The following IMMP2L variants were observed in gnomAD, a reference collection of about 807,000 sequenced individuals.
IMMP2L encodes mitochondrial inner membrane protease subunit 2.
IMMP2L carries 18 observed loss-of-function variants against 19.3 expected under a neutral mutation model. The observed-to-expected ratio is 0.93, with a 90% CI of 0.64 to 1.38. The LOEUF is 1.38. Ranked by LOEUF, IMMP2L falls within the 40% of genes most tolerant of loss-of-function variation. The probability of loss-of-function intolerance (pLI) is 0.00; values close to 1 mark genes in which losing one functional copy is unlikely to be tolerated. For missense variants in IMMP2L, 233 were observed against 218.2 expected, an observed-to-expected ratio of 1.07 and a Z score of -0.43; for synonymous variants, 76 against 73.0, an observed-to-expected ratio of 1.04 and a Z score of -0.21.
At chr7:110,690,515 T>C (rs1311200201) in intron 5 of IMMP2L, among the ~76,000 whole-genome samples, 1 of 152,140 alleles carries the variant, frequency 6.6e-6, no homozygotes, top group Non-Finnish European at 1.5e-5. Context: ...AAAGTCAGAC[T>C]ATCTCTATTT....
chr7:111,125,185 G>T, intron 3 of IMMP2L: 1 of 290,166 alleles, frequency 3.4e-6, no homozygotes, highest in Non-Finnish European at 6.7e-6. Context: ...CAGTTCAAGT[G>T]GACAAAAACA....
At chr7:111,016,721 T>A (rs1313170529) in intron 3 of IMMP2L, among the ~76,000 whole-genome samples, 8 of 99,342 alleles carry the variant, frequency 8.1e-5, no homozygotes, top group African/African-American at 3.0e-4. Context: ...TATATATATT[T>A]ATATATAAAA....
chr7:110,779,447 T>A (rs1799596050), intron 5 of IMMP2L, among the ~76,000 whole-genome samples: 1 of 151,824 alleles, frequency 6.6e-6, no homozygotes, highest in African/African-American at 2.4e-5. Flanking sequence ...ACAATGGAGG[T>A]TTAGTTATCG....
chr7:111,546,071 A>G (rs1253338363), intron 1 of IMMP2L, among the ~76,000 whole-genome samples: 2 of 152,102 alleles, frequency 1.3e-5, no homozygotes, highest in African/African-American at 4.8e-5. Context: ...ATTTTTAACA[A>G]CATAAATATT....
chr7:111,489,234 G>A (rs374834812), intron 2 of IMMP2L, among the ~76,000 whole-genome samples: 3 of 151,538 alleles, frequency 2.0e-5, no homozygotes, highest in South Asian at 2.1e-4. Context: ...TAGTAGAGAC[G>A]GGGTTTCACC....
At chr7:110,671,657 G>A (rs1480890072) in intron 5 of IMMP2L, among the ~76,000 whole-genome samples, 1 of 152,124 alleles carries the variant, frequency 6.6e-6, no homozygotes. Context: ...CAGGGGGACA[G>A]ATGTGTGTGG....
At position 111,239,067 on chromosome 7, in the gene IMMP2L, T is replaced by C. The variant is rs77776001; in HGVS notation, c.239+248171A>G. Among the ~76,000 whole-genome samples, 1,308 of 152,058 alleles carry C rather than the reference T, an allele frequency of 8.6e-3. 24 individuals are homozygous for C. The highest frequency in any genetic ancestry group is 0.03 in the African/African-American group (1,240 of 41,532). ...AACCTTTCCAATATCTCTGCCCCAC[T>C]CTGAATAGGACATTGTTTTTGTTGT... On this transcript the variant is annotated intron_variant, in intron 3 of 5. Transcript: ENST00000405709.
intron 3 of IMMP2L, among the ~76,000 whole-genome samples, chr7:111,272,806 C>A (rs1818610058): frequency 6.6e-6 from 1 of 152,086 alleles, no homozygotes; most frequent in Non-Finnish European, 1.5e-5. Context: ...TGGCAATTGG[C>A]AGAAAGATAG....
chr7:111,504,725 G>T (rs1263688668), intron 2 of IMMP2L, among the ~76,000 whole-genome samples: 1 of 152,176 alleles, frequency 6.6e-6, no homozygotes, highest in Admixed American at 6.5e-5. Flanking sequence ...ATGGGGAAAG[G>T]ATTTCCTATT....
intron 3 of IMMP2L, among the ~76,000 whole-genome samples, chr7:111,284,661 T>A (rs1820296423): frequency 6.6e-6 from 1 of 152,090 alleles, no homozygotes. Flanking sequence ...ATTTCACAAA[T>A]AAGAAAGGTT....
chr7:110,880,707 C>A (rs866107640), intron 5 of IMMP2L, among the ~76,000 whole-genome samples: 1 of 152,022 alleles, frequency 6.6e-6, no homozygotes, highest in Non-Finnish European at 1.5e-5. Context: ...ATTCTAAGCA[C>A]TTATGAAATT....
At chr7:111,352,976 C>A (rs1828328898) in intron 3 of IMMP2L, among the ~76,000 whole-genome samples, 1 of 152,252 alleles carries the variant, frequency 6.6e-6, no homozygotes, top group Middle Eastern at 3.4e-3. Context: ...TTCCTGGGCC[C>A]ATAGGAGCCT....
chr7:110,679,088 A>T (rs766150225), intron 5 of IMMP2L, among the ~76,000 whole-genome samples: 1 of 152,158 alleles, frequency 6.6e-6, no homozygotes, highest in Admixed American at 6.5e-5. Flanking sequence ...AGATAACTAC[A>T]GAATCATGCA....
At chr7:110,938,251 T>C (rs565913059) in intron 4 of IMMP2L, among the ~76,000 whole-genome samples, 21 of 152,326 alleles carry the variant, frequency 1.4e-4, no homozygotes, top group South Asian at 4.1e-4. Flanking sequence ...TTCAGCATTA[T>C]GTTAGATTCT....
intron 3 of IMMP2L, among the ~76,000 whole-genome samples, chr7:111,406,806 G>A (rs962173552): frequency 1.3e-5 from 2 of 151,968 alleles, no homozygotes; most frequent in Non-Finnish European, 1.5e-5. Context: ...AAGATTCTGG[G>A]ATTTGCATGC....
intron 5 of IMMP2L, among the ~76,000 whole-genome samples, chr7:110,829,117 T>C (rs1158603170): frequency 6.6e-6 from 1 of 152,152 alleles, no homozygotes; most frequent in African/African-American, 2.4e-5. Flanking sequence ...GGTATTATTA[T>C]TGTCTTTTTA....
At chr7:111,322,682 G>A (rs780945107) in intron 3 of IMMP2L, among the ~76,000 whole-genome samples, 2 of 151,418 alleles carry the variant, frequency 1.3e-5, no homozygotes, top group Non-Finnish European at 2.9e-5. Context: ...CTCAGATCAC[G>A]ACGCAAAATC....
chr7:111,165,193 C>T (rs10227865), intron 3 of IMMP2L, among the ~76,000 whole-genome samples: 3,144 of 152,134 alleles, frequency 0.021, 111 homozygotes, highest in African/African-American at 0.072. Flanking sequence ...CTGTGACTGG[C>T]TCATTTCACT....
intron 3 of IMMP2L, among the ~76,000 whole-genome samples, chr7:111,416,576 C>A (rs1350230604): frequency 2.0e-5 from 3 of 151,762 alleles, no homozygotes; most frequent in African/African-American, 7.3e-5. Context: ...AAAAGTACTT[C>A]ATGTAAAAAG....
Sources: allele counts gnomAD v4.1 joint callset (sites outside exome capture counted in the v4.1 genomes callset), GRCh38; gene constraint gnomAD v4.1.1; transcripts MANE v1.5; gene names NCBI Gene and HGNC (gene_info 2026-07-23, HGNC 2026-07-21).